The following KCNH5 variants were observed in gnomAD, a reference collection of about 807,000 sequenced individuals.
The protein encoded by KCNH5 is potassium voltage-gated channel subfamily H member 5, also known as voltage-gated delayed rectifier potassium channel KCNH5.
Under a neutral mutation model 96.1 loss-of-function variants are expected in KCNH5, and 46 were observed. The ratio of observed to expected loss-of-function variants is 0.48; its 90% CI spans 0.38 to 0.61. KCNH5 has a LOEUF of 0.61. KCNH5 is among the 20% of genes least tolerant of loss of function. The pLI is 0.00. For missense variants in KCNH5, 907 were observed against 1,225.8 expected (o/e 0.74, Z 3.88); for synonymous variants, 439 against 449.8 (o/e 0.98, Z 0.30).
At chr14:62,874,268 C>CA (rs1888323237) in intron 7 of KCNH5, among the ~76,000 whole-genome samples, 2 of 151,690 alleles carry the variant, frequency 1.3e-5, no homozygotes, top group Non-Finnish European at 2.9e-5. Context: ...AGAACTTAAA[C>CA]AAATTTACAA....
intron 4 of KCNH5, among the ~76,000 whole-genome samples, chr14:62,992,234 G>T (rs1417733312): frequency 6.6e-6 from 1 of 152,040 alleles, no homozygotes; most frequent in Non-Finnish European, 1.5e-5. Context: ...ATCCACTGAT[G>T]GATAATTAGA....
At chr14:62,996,533 A>G (rs1019314387) in intron 4 of KCNH5, among the ~76,000 whole-genome samples, 22 of 152,346 alleles carry the variant, frequency 1.4e-4, no homozygotes, top group African/African-American at 4.3e-4. Flanking sequence ...GCTTTTTCAA[A>G]TATCATTTTG....
chr14:62,714,592 A>G (rs1884643910), intron 10 of KCNH5, among the ~76,000 whole-genome samples: 1 of 152,158 alleles, frequency 6.6e-6, no homozygotes, highest in Non-Finnish European at 1.5e-5. Flanking sequence ...ATTTTACCCA[A>G]TTATTATATA....
chr14:63,043,087 G>A (rs569276139), intron 1 of KCNH5, among the ~76,000 whole-genome samples: 7 of 152,256 alleles, frequency 4.6e-5, no homozygotes, highest in African/African-American at 1.4e-4. Flanking sequence ...TTGAGTGGTA[G>A]ATACAAAATG....
At chr14:62,711,938 ACT>A (rs778831808) in intron 10 of KCNH5, among the ~76,000 whole-genome samples, 1 of 152,308 alleles carries the variant, frequency 6.6e-6, no homozygotes, top group South Asian at 2.1e-4. Flanking sequence ...AAAAGCCAAC[ACT>A]CTGAGGAGTG....
intron 7 of KCNH5, among the ~76,000 whole-genome samples, chr14:62,922,545 A>G (rs1482481548): frequency 6.6e-6 from 1 of 151,920 alleles, no homozygotes; most frequent in Non-Finnish European, 1.5e-5. Flanking sequence ...TGCAAAAACC[A>G]TCAACAAAAT....
At chr14:62,993,162 T>C (rs1407897491) in intron 4 of KCNH5, among the ~76,000 whole-genome samples, 3 of 152,054 alleles carry the variant, frequency 2.0e-5, no homozygotes, top group Admixed American at 2.0e-4. Context: ...TATTCTGTTC[T>C]ATTAATCAAT....
intron 10 of KCNH5, among the ~76,000 whole-genome samples, chr14:62,735,647 C>T (rs189414499): frequency 4.7e-4 from 72 of 152,254 alleles, no homozygotes; most frequent in Non-Finnish European, 8.7e-4. Context: ...ACCACTCTGG[C>T]CAATGCCACT....
At chr14:62,979,084 C>T (rs1175299160) in intron 6 of KCNH5, among the ~76,000 whole-genome samples, 1 of 152,148 alleles carries the variant, frequency 6.6e-6, no homozygotes, top group Non-Finnish European at 1.5e-5. Flanking sequence ...CATTATTCTA[C>T]TCTATATGAG....
At chr14:62,975,539 A>T in intron 6 of KCNH5, among the ~76,000 whole-genome samples, 1 of 152,220 alleles carries the variant, frequency 6.6e-6, no homozygotes, top group East Asian at 1.9e-4. Context: ...AATAAAAGAC[A>T]ATAATAATTT....
chr14:62,924,533 A>T (rs1326890335), intron 7 of KCNH5, among the ~76,000 whole-genome samples: 3 of 152,022 alleles, frequency 2.0e-5, no homozygotes, highest in African/African-American at 7.2e-5. Flanking sequence ...TGTTCATTGC[A>T]GCATTATTTA....
chr14:63,029,165 T>C (rs931614437), intron 1 of KCNH5, among the ~76,000 whole-genome samples: 1 of 152,164 alleles, frequency 6.6e-6, no homozygotes, highest in African/African-American at 2.4e-5. Flanking sequence ...CGTAGTTGAG[T>C]AAAGCAGACA....
At chr14:62,745,026 TCAGA>T (rs1885347094) in intron 10 of KCNH5, among the ~76,000 whole-genome samples, 1 of 152,188 alleles carries the variant, frequency 6.6e-6, no homozygotes, top group African/African-American at 2.4e-5. Flanking sequence ...AGACTGCAAT[TCAGA>T]CGGTGCCCTC....
rs1884461774 is a variant in KCNH5, at chr14:62,707,615, T to C, written c.2860A>G (p.Lys954Glu). The C allele has an allele frequency of 1.3e-6, 2 of 1,550,566 alleles. No homozygotes were observed. The highest frequency in any genetic ancestry group is 1.9e-5 in the Admixed American group (1 of 52,920). Reference sequence around the variant, plus strand: ...GGTACTTGGAGTGGCATTTGGGATTTGGGAGATGAGGCCTGGGGTACGCTT... The same window carrying C: ...GGTACTTGGAGTGGCATTTGGGATTCGGGAGATGAGGCCTGGGGTACGCTT... The part of the protein sequence containing the change: ...EKSVPQASSP[K>E]SQMPLQVPPQ... The change falls in exon 11 of 11, where the codon AAA (lysine) becomes GAA (glutamate). Residue 954 changes from lysine to glutamate, a missense_variant. Lys to Glu is a moderately conservative substitution (Grantham distance 56, BLOSUM62 1). Around this residue, in one of 6 missense-constraint regions of KCNH5, gnomAD observed 362 missense variants for 394.4 expected, o/e 0.92. Coordinates refer to ENST00000322893, the MANE Select transcript of KCNH5 (RefSeq NM_139318.5).
intron 7 of KCNH5, among the ~76,000 whole-genome samples, chr14:62,949,586 T>G (rs540578100): frequency 2.0e-5 from 3 of 152,320 alleles, no homozygotes; most frequent in Middle Eastern, 3.4e-3. Flanking sequence ...TTCTCATTGC[T>G]GAATGGGCTT....
intron 9 of KCNH5, 80 bp from the exon 10 acceptor site, chr14:62,780,004 C>T: frequency 1.7e-6 from 2 of 1,147,052 alleles, no homozygotes; most frequent in Non-Finnish European, 2.4e-6. Flanking sequence ...GTTTCATATA[C>T]AGTATTGACC....
intron 1 of KCNH5, among the ~76,000 whole-genome samples, chr14:63,040,427 A>C (rs1043201966): frequency 6.6e-6 from 1 of 152,078 alleles, no homozygotes; most frequent in Non-Finnish European, 1.5e-5. Context: ...CTTATGTATA[A>C]ATATAATTTA....
chr14:62,905,894 C>T (rs1040815891), intron 7 of KCNH5, among the ~76,000 whole-genome samples: 4 of 152,176 alleles, frequency 2.6e-5, no homozygotes, highest in Admixed American at 6.5e-5. Flanking sequence ...TGGCACCAGG[C>T]CCACTTCACA....
At chr14:63,016,680 T>C (rs1258604948) in intron 2 of KCNH5, 151 bp downstream of exon 2, 3 of 674,888 alleles carry the variant, frequency 4.4e-6, no homozygotes, top group South Asian at 7.3e-5. Flanking sequence ...AAGCTATGTG[T>C]TTCCATTGAT....
Sources: gnomAD v4.1 joint callset for allele counts (sites outside exome capture counted in the v4.1 genomes callset) on GRCh38, gnomAD v4.1.1 for gene constraint, gnomAD v4.1.1 regional missense constraint, MANE v1.5 for transcripts, NCBI Gene and HGNC (gene_info 2026-07-23, HGNC 2026-07-21) for gene names.